The following STS variants were observed in gnomAD, a reference collection of about 807,000 sequenced individuals.
The protein encoded by STS is steroid sulfatase, also known as steryl-sulfatase.
STS carries 7 observed loss-of-function variants against 26.8 expected under a neutral mutation model. The observed-to-expected ratio is 0.26, with a 90% CI of 0.15 to 0.49. The LOEUF is 0.49. STS is among the 20% of genes least tolerant of loss of function. The pLI, the probability that STS is intolerant of heterozygous loss-of-function variation, is 0.98. For missense variants in STS, 434 were observed against 465.6 expected, an observed-to-expected ratio of 0.93 and a Z score of 0.63; for synonymous variants, 199 against 189.4, an observed-to-expected ratio of 1.05 and a Z score of -0.42.
chrX:7,177,825 A>T (rs74768749), intron 1 of STS, among the ~76,000 whole-genome samples: 6,454 of 108,333 alleles, frequency 0.06, 195 homozygotes, highest in South Asian at 0.089. Context: ...ATATATATAT[A>T]TTTTTAAAGG....
At chrX:7,254,176 A>G (rs1021669321) in intron 3 of STS, among the ~76,000 whole-genome samples, 3 of 112,003 alleles carry the variant, frequency 2.7e-5, no homozygotes, top group African/African-American at 9.7e-5. Context: ...ATAGCTGACA[A>G]TCAGGAGAGG....
At chrX:7,325,223 T>G in intron 8 of STS, 116 bp from the exon 9 acceptor site, 1 of 749,250 alleles carries the variant, frequency 1.3e-6, no homozygotes, top group Non-Finnish European at 2.0e-6. Flanking sequence ...ATAGATGGAA[T>G]CTATGTAATT....
intron 1 of STS, among the ~76,000 whole-genome samples, chrX:7,151,985 C>A (rs750017569): frequency 9.0e-6 from 1 of 111,575 alleles, no homozygotes. Flanking sequence ...TGGAGTCTCA[C>A]TCTTTCGCCC....
chrX:7,224,532 A>G (rs1380187595), intron 2 of STS, among the ~76,000 whole-genome samples: 1 of 111,629 alleles, frequency 9.0e-6, no homozygotes, highest in Admixed American at 9.5e-5. Context: ...TAGTACCCAT[A>G]TAAAAGAGAC....
chrX:7,325,847 G>C (rs1341733523), intron 9 of STS, among the ~76,000 whole-genome samples: 2 of 112,191 alleles, frequency 1.8e-5, no homozygotes, highest in South Asian at 3.7e-4. Context: ...TGTCTATCTA[G>C]ATGCTTCTTG....
intron 9 of STS, 24 bp downstream of exon 9, chrX:7,325,522 G>C (rs1983023054): frequency 4.1e-6 from 5 of 1,206,819 alleles, no homozygotes; most frequent in South Asian, 1.8e-5. Flanking sequence ...AGGGTGGTTG[G>C]TATTGTTGAG....
intron 8 of STS, among the ~76,000 whole-genome samples, chrX:7,319,916 G>C (rs1268502475): frequency 1.0e-5 from 1 of 97,374 alleles, no homozygotes; most frequent in Non-Finnish European, 2.0e-5. Flanking sequence ...GCCTCAGATT[G>C]TGCAACTATT....
intron 9 of STS, among the ~76,000 whole-genome samples, chrX:7,327,942 G>A (rs765587066): frequency 5.4e-5 from 6 of 111,577 alleles, no homozygotes; most frequent in Non-Finnish European, 7.5e-5. Flanking sequence ...ATATTCATCC[G>A]AGGTCATAAA....
rs73467896 is a variant in STS at position 7,194,293 on chromosome X, C to T, written c.-5+3285C>T. On this transcript the variant is annotated intron_variant, in intron 2 of 10. Coordinates refer to ENST00000674429, the MANE Select transcript of STS (RefSeq NM_001320752.2). ...TGCATGGGGGTCACTGGTCCAGTGA[C>T]GTCACTTGTTCCACCAGAATGCAAA... 6.7e-3 allele frequency among the ~76,000 whole-genome samples: 749 copies of T among 111,017 alleles called. 11 individuals carry two copies. The highest frequency in any genetic ancestry group is 0.024 in the African/African-American group (725 of 30,517).
At chrX:7,293,515 A>G in intron 7 of STS, among the ~76,000 whole-genome samples, 1 of 112,020 alleles carries the variant, frequency 8.9e-6, no homozygotes, top group East Asian at 2.8e-4. Flanking sequence ...AGAATATAGC[A>G]TGCTTTCAAT....
chrX:7,234,735 C>G lies in STS; in HGVS notation c.-4-18461C>G, dbSNP rs765020308. ...AGGATGTAAAGACTATCCTCATCCT[C>G]ATGGAGAGTTTATTGTTCTTGAATC... On this transcript the variant is annotated intron_variant, in intron 2 of 10. Coordinates refer to ENST00000674429, the MANE Select transcript of STS (RefSeq NM_001320752.2). Among the ~76,000 whole-genome samples the G allele has an allele frequency of 4.5e-5, 5 of 112,081 alleles. No homozygotes were observed. The East Asian group carries it at 1.4e-3, about 32-fold the overall frequency.
At chrX:7,340,368 C>T (rs1928228874) in intron 10 of STS, among the ~76,000 whole-genome samples, 1 of 111,983 alleles carries the variant, frequency 8.9e-6, no homozygotes, top group South Asian at 3.7e-4. Flanking sequence ...TAGTTCTAAC[C>T]AGGGCATGCA....
intron 1 of STS, among the ~76,000 whole-genome samples, chrX:7,162,339 T>C (rs951158626): frequency 3.6e-5 from 4 of 111,378 alleles, no homozygotes; most frequent in Non-Finnish European, 7.5e-5. Context: ...ATACTGCAAG[T>C]ACCAATGTCA....
intron 10 of STS, among the ~76,000 whole-genome samples, chrX:7,335,356 C>T (rs1177825071): frequency 2.7e-5 from 3 of 112,252 alleles, no homozygotes; most frequent in Admixed American, 9.4e-5. Context: ...CTCTGATGGC[C>T]AGTGATAATG....
chrX:7,150,997 G>A lies in STS; in HGVS notation c.-134+2914G>A, dbSNP rs188685985. 1.2e-4 allele frequency among the ~76,000 whole-genome samples: 13 copies of A among 112,347 alleles called. No homozygotes were observed. In the East Asian group the frequency reaches 3.6e-3, roughly 31 times the overall value. On this transcript the variant is annotated intron_variant, in intron 1 of 10. Transcript: ENST00000674429. ...AACTTACTTTTCCTGACAATTTTAA[G>A]ACACAATAGAAATGATCCAGTAAAC... is the stretch of plus-strand genomic sequence containing the variant.
intron 8 of STS, among the ~76,000 whole-genome samples, chrX:7,309,279 A>G (rs985371362): frequency 1.8e-5 from 2 of 111,472 alleles, no homozygotes; most frequent in African/African-American, 6.5e-5. Context: ...TTCGCAAACT[A>G]ATAATGCAGG....
intron 2 of STS, among the ~76,000 whole-genome samples, chrX:7,231,851 T>TC (rs1491133064): frequency 2.0e-5 from 2 of 101,044 alleles, no homozygotes; most frequent in Non-Finnish European, 4.2e-5. Flanking sequence ...TTTTTTTTTT[T>TC]CTTAACCTAC....
intron 8 of STS, among the ~76,000 whole-genome samples, chrX:7,307,061 T>A (rs182092581): frequency 9.0e-6 from 1 of 111,479 alleles, no homozygotes; most frequent in Non-Finnish European, 1.9e-5. Context: ...CACCTTTTGT[T>A]ACCTGGCACC....
At chrX:7,285,613 G>T (rs1925091237) in intron 7 of STS, among the ~76,000 whole-genome samples, 1 of 111,863 alleles carries the variant, frequency 8.9e-6, no homozygotes, top group South Asian at 3.7e-4. Flanking sequence ...ATCAGAAAAA[G>T]ACATTGATTA....
Sources: gnomAD v4.1 joint callset for allele counts (sites outside exome capture counted in the v4.1 genomes callset) on GRCh38, gnomAD v4.1.1 for gene constraint, MANE v1.5 for transcripts, NCBI Gene and HGNC (gene_info 2026-07-23, HGNC 2026-07-21) for gene names.